DOK5: variants seen among roughly 807,000 people sequenced by gnomAD.
DOK5 encodes docking protein 5.
In DOK5, 27 loss-of-function variants were observed where a neutral mutation model predicts 43.3. The ratio of observed to expected loss-of-function variants is 0.62; its 90% CI spans 0.46 to 0.86. The LOEUF (loss-of-function observed/expected upper bound fraction) is 0.86, where lower values mean the gene tolerates loss of function less well. DOK5 is among the 40% of genes least tolerant of loss of function. The pLI is 0.00. For synonymous variants in DOK5, 146 were observed against 140.1 expected (o/e 1.04, Z -0.30); for missense variants, 373 against 392.9 (o/e 0.95, Z 0.43).
chr20:54,598,082 A>T (rs1177082923), intron 5 of DOK5, among the ~76,000 whole-genome samples: 1 of 152,140 alleles, frequency 6.6e-6, no homozygotes, highest in Non-Finnish European at 1.5e-5. Flanking sequence ...AGGCACATAC[A>T]TCTTTCCAGG....
intron 1 of DOK5, among the ~76,000 whole-genome samples, chr20:54,520,001 C>A (rs1003404800): frequency 1.3e-5 from 2 of 152,188 alleles, no homozygotes; most frequent in African/African-American, 4.8e-5. Context: ...GGTGCACATA[C>A]CTGCCCACCA....
chr20:54,630,979 A>C (rs1978537268), intron 6 of DOK5, among the ~76,000 whole-genome samples: 1 of 152,216 alleles, frequency 6.6e-6, no homozygotes, highest in Admixed American at 6.5e-5. Context: ...TCAGAATTTA[A>C]TTTTACTGTC....
At chr20:54,638,889 G>A (rs1978977037) in intron 6 of DOK5, among the ~76,000 whole-genome samples, 1 of 151,590 alleles carries the variant, frequency 6.6e-6, no homozygotes, top group Non-Finnish European at 1.5e-5. Flanking sequence ...AACCATGTTG[G>A]CCAGGCTGGT....
rs192747609 is a variant in DOK5 at position 54,609,518 on chromosome 20, A to C, written c.600-870A>C. ...TATATATACACACACTAAAATATAT[A>C]TATAGCATATATACACACACACTAA... On this transcript the variant is annotated intron_variant, in intron 5 of 7. Transcript: ENST00000262593. 3.9e-3 allele frequency among the ~76,000 whole-genome samples: 596 copies of C among 151,808 alleles called. 2 individuals carry two copies. Among genetic ancestry groups the C allele is most frequent in the African/African-American group, 0.013 (556 of 41,328 alleles).
At chr20:54,510,563 A>G (rs1337507978) in intron 1 of DOK5, among the ~76,000 whole-genome samples, 1 of 152,196 alleles carries the variant, frequency 6.6e-6, no homozygotes, top group Admixed American at 6.5e-5. Flanking sequence ...TATTATTGAA[A>G]CATTGAGAGA....
intron 4 of DOK5, among the ~76,000 whole-genome samples, chr20:54,590,013 C>T (rs543074437): frequency 1.3e-4 from 20 of 152,162 alleles, no homozygotes; most frequent in Non-Finnish European, 2.1e-4. Flanking sequence ...AGAGAGGATA[C>T]CTAGGAGCCA....
At chr20:54,479,588 C>T (rs1981584291) in intron 1 of DOK5, among the ~76,000 whole-genome samples, 1 of 152,196 alleles carries the variant, frequency 6.6e-6, no homozygotes, top group Non-Finnish European at 1.5e-5. Flanking sequence ...ATTGTCATGG[C>T]TTGCCCACAG....
At position 54,486,731 on chromosome 20, in the gene DOK5, C is replaced by G. The variant is rs958579949; in HGVS notation, c.66+10719C>G. On this transcript the variant is annotated intron_variant, in intron 1 of 7. Transcript: ENST00000262593. ...CTTACTCTTTCTGATCTTTACCTTACTTATATATGAAAAATGAGGATAATA... is the reference window on the plus strand; with the variant it reads ...CTTACTCTTTCTGATCTTTACCTTAGTTATATATGAAAAATGAGGATAATA... Among the ~76,000 whole-genome samples, 4 of 152,104 alleles carry G rather than the reference C, an allele frequency of 2.6e-5. No individual in the cohort carries two copies. In the East Asian group the frequency reaches 7.7e-4, roughly 29 times the overall value.
At chr20:54,501,286 T>C (rs1982589980) in intron 1 of DOK5, among the ~76,000 whole-genome samples, 1 of 151,372 alleles carries the variant, frequency 6.6e-6, no homozygotes, top group South Asian at 2.1e-4. Context: ...GCTAACACGA[T>C]GAAACCCCAT....
At chr20:54,588,318 A>G (rs1309954626) in intron 2 of DOK5, among the ~76,000 whole-genome samples, 165 bp from the exon 3 acceptor site, 1 of 152,230 alleles carries the variant, frequency 6.6e-6, no homozygotes, top group Non-Finnish European at 1.5e-5. Context: ...TACAGATAAT[A>G]CTAAACTCAC....
At chr20:54,587,455 T>C (rs16999810) in intron 2 of DOK5, among the ~76,000 whole-genome samples, 13,474 of 152,054 alleles carry the variant, frequency 0.089, 1,983 homozygotes, top group African/African-American at 0.31. Flanking sequence ...CAGGCAAAGA[T>C]TGATGGAAAG....
At chr20:54,591,400 T>C (rs1201919819) in intron 4 of DOK5, among the ~76,000 whole-genome samples, 2 of 152,252 alleles carry the variant, frequency 1.3e-5, no homozygotes, top group African/African-American at 4.8e-5. Context: ...TAGTGTATGT[T>C]GACAGGCTGT....
In DOK5 at chr20:54,639,047, A is replaced by G. The variant is rs571063973; in HGVS notation, c.736-4411A>G. Among the ~76,000 whole-genome samples the G allele has an allele frequency of 3.3e-4, 50 of 152,304 alleles. No individual in the cohort carries two copies. The South Asian group carries it at 9.1e-3, about 28-fold the overall frequency. ...AAATTGGAAATTCACTACAATATTA[A>G]GGTTGTGTTGGTTCCTAAGCAATTT... On this transcript the variant is annotated intron_variant, in intron 6 of 7. Coordinates refer to ENST00000262593, the MANE Select transcript of DOK5 (RefSeq NM_018431.5).
chr20:54,573,927 T>C (rs1985375109), intron 2 of DOK5, among the ~76,000 whole-genome samples: 1 of 152,058 alleles, frequency 6.6e-6, no homozygotes, highest in African/African-American at 2.4e-5. Flanking sequence ...ACTCAGAGCG[T>C]GTGGGAAGAA....
At chr20:54,550,741 T>C (rs1014461170) in intron 1 of DOK5, among the ~76,000 whole-genome samples, 4 of 152,022 alleles carry the variant, frequency 2.6e-5, no homozygotes, top group East Asian at 1.9e-4. Flanking sequence ...TTTTTATTGC[T>C]AGTAGTATTC....
chr20:54,592,989 A>G (rs1294921692), intron 5 of DOK5, among the ~76,000 whole-genome samples: 1 of 152,238 alleles, frequency 6.6e-6, no homozygotes, highest in Admixed American at 6.5e-5. Flanking sequence ...TGACAGGAAT[A>G]TGACTCTTGA....
At chr20:54,611,620 T>A (rs1324245718) in intron 6 of DOK5, among the ~76,000 whole-genome samples, 2 of 152,162 alleles carry the variant, frequency 1.3e-5, no homozygotes, top group African/African-American at 4.8e-5. Context: ...GGAGGGTAAA[T>A]TCATGAAATC....
chr20:54,563,594 C>G (rs1379628820), intron 2 of DOK5, among the ~76,000 whole-genome samples: 3 of 150,034 alleles, frequency 2.0e-5, no homozygotes, highest in Admixed American at 6.7e-5. Context: ...GAGACTGATT[C>G]TTATATCAGT....
intron 5 of DOK5, among the ~76,000 whole-genome samples, chr20:54,598,031 A>C (rs1377187626): frequency 1.3e-5 from 2 of 152,010 alleles, no homozygotes; most frequent in Non-Finnish European, 2.9e-5. Flanking sequence ...GTTTGACTTG[A>C]CTTTTTGGAA....
Sources: allele counts gnomAD v4.1 joint callset (sites outside exome capture counted in the v4.1 genomes callset), GRCh38; gene constraint gnomAD v4.1.1; transcripts MANE v1.5; gene names NCBI Gene and HGNC (gene_info 2026-07-23, HGNC 2026-07-21).